Variants in PRMT1 observed in about 807,000 individuals in gnomAD.
The protein encoded by PRMT1 is protein arginine methyltransferase 1, also known as protein arginine N-methyltransferase 1.
In PRMT1, 5 loss-of-function variants were observed where a neutral mutation model predicts 47.4. The observed-to-expected ratio is 0.11, with a 90% CI of 0.06 to 0.22. The LOEUF (loss-of-function observed/expected upper bound fraction) is 0.22, where lower values mean the gene tolerates loss of function less well. Ranked by LOEUF, PRMT1 falls within the 10% of genes least tolerant of loss-of-function variation. PRMT1 has a pLI of 1.00. For synonymous variants in PRMT1, 227 were observed against 204.6 expected (o/e 1.11, Z -0.94); for missense variants, 249 against 518.4 (o/e 0.48, Z 5.05).
upstream of PRMT1, among the ~76,000 whole-genome samples, chr19:49,676,709 G>A (rs2082042135): frequency 6.6e-6 from 1 of 152,152 alleles, no homozygotes; most frequent in African/African-American, 2.4e-5. Flanking sequence ...CCGAGTGGAC[G>A]AGGAGTGATA....
Position 49,685,231 on chromosome 19 carries a change from G to A in PRMT1, c.759+194G>A. ...AATATCTTTGTGAGCGCTGCTGTGT[G>A]AGAACCATGCTTGGCACTTGGCTTC... On this transcript the variant is annotated intron_variant, in intron 8 of 10. Transcript: ENST00000454376. The surrounding 1 kb of genome is among the most constrained non-coding windows in gnomAD (Gnocchi z 4.7). 6.6e-7 allele frequency: 1 copy of A among 1,511,788 alleles called. No homozygotes were observed. The highest frequency in any genetic ancestry group is 2.5e-5 in the East Asian group (1 of 40,370). 93.6% of individuals were successfully genotyped at this position (1,511,788 alleles called of 1,614,324 possible).
Position 49,680,446 on chromosome 19 carries a change from GC to G in PRMT1, c.91-36del. The stretch of plus-strand genomic sequence containing the variant: ...CTGGAGGTTTAAGAGGCTGTGGGGA[GC>G]CCCCAGATCTGACCCATGATCCCAT... On this transcript the variant is annotated intron_variant, in intron 2 of 10. Transcript: ENST00000454376. The surrounding 1 kb of genome is among the most constrained non-coding windows in gnomAD (Gnocchi z 4.2). The G allele has an allele frequency of 2.0e-6, 3 of 1,492,736 alleles. No homozygotes were observed. The highest frequency in any genetic ancestry group is 1.7e-5 in the Admixed American group (1 of 59,798). The allele number at this position is 1,492,736 out of a possible 1,614,324, so 92.5% of individuals were successfully genotyped here.
chr19:49,686,328 G>A, intron 9 of PRMT1, 85 bp downstream of exon 9: 1 of 1,475,896 alleles, frequency 6.8e-7, no homozygotes, highest in Non-Finnish European at 9.1e-7. Context: ...ACAGAAACGG[G>A]CAGAAGGAAC....
chr19:49,686,994 C>G (rs556306641), intron 10 of PRMT1, among the ~76,000 whole-genome samples: 1 of 152,210 alleles, frequency 6.6e-6, no homozygotes, highest in East Asian at 1.9e-4. Flanking sequence ...CCCTGCCCTC[C>G]TGGTGCTTCC....
At position 49,680,017 on chromosome 19, in the gene PRMT1, A is replaced by G. The variant is rs993516157; in HGVS notation, c.90+92A>G. On this transcript the variant is annotated intron_variant, in intron 2 of 10. Coordinates refer to ENST00000454376, the MANE Select transcript of PRMT1 (RefSeq NM_001536.6). The surrounding 1 kb of genome is among the most constrained non-coding windows in gnomAD (Gnocchi z 4.2). ...TGGCCCTTTCTTGAGGTCTAACCATACCCCTCTTGCTTCAAACCAGTTTAC... is the reference window on the plus strand; with the variant it reads ...TGGCCCTTTCTTGAGGTCTAACCATGCCCCTCTTGCTTCAAACCAGTTTAC... 5.9e-6 allele frequency: 8 copies of G among 1,353,320 alleles called. No individual in the cohort carries two copies. In the East Asian group the frequency reaches 1.2e-4, roughly 21 times the overall value. 83.8% of individuals were successfully genotyped at this position (1,353,320 alleles called of 1,614,324 possible). A position where few individuals can be genotyped will look rare whatever the true frequency, so the allele number is the denominator to read the frequency against.
chr19:49,686,831 G>A (rs2082214792), intron 10 of PRMT1, 105 bp downstream of exon 10: 1 of 508,814 alleles, frequency 2.0e-6, no homozygotes, highest in Non-Finnish European at 3.1e-6. Context: ...GTAGGGGATG[G>A]GGGCAGCCGG....
In PRMT1 at chr19:49,677,518, A is replaced by G. The variant is rs936416921; in HGVS notation, c.36+202A>G. ...TCCAAGGGCCTTCGGCATCCGGCCT[A>G]GCGGAGGGTCTTATCCCCCCTCCCA... On this transcript the variant is annotated intron_variant, in intron 1 of 10. Coordinates refer to ENST00000454376, the MANE Select transcript of PRMT1 (RefSeq NM_001536.6). 1.6e-5 allele frequency: 7 copies of G among 424,388 alleles called. No homozygotes were observed. The Middle Eastern group carries it at 1.2e-3, about 75-fold the overall frequency. The allele number at this position is 424,388 out of a possible 1,614,324, so 26.3% of individuals were successfully genotyped here. A position where few individuals can be genotyped will look rare whatever the true frequency, so the allele number is the denominator to read the frequency against.
chr19:49,686,049 G>A (rs1006574098), intron 8 of PRMT1, 44 bp from the exon 9 acceptor site: 143 of 1,587,684 alleles, frequency 9.0e-5, no homozygotes, highest in Admixed American at 1.2e-4. Context: ...GGGATGAAGC[G>A]AGGTGGGGAC....
Position 49,685,836 on chromosome 19 carries a change from CAGAGTT to C in PRMT1, c.760-254_760-249del. On this transcript the variant is annotated intron_variant, in intron 8 of 10. Transcript: ENST00000454376. The surrounding 1 kb of genome is among the most constrained non-coding windows in gnomAD (Gnocchi z 4.7). ...GCGCCTGCATTCTAGGAGGTCTGGACAGAGTTAGGGTGGCACTGCCAGGTTTGGGTG... is the reference window on the plus strand; with the variant it reads ...GCGCCTGCATTCTAGGAGGTCTGGACAGGGTGGCACTGCCAGGTTTGGGTG... 7.6e-7 allele frequency: 1 copy of C among 1,322,840 alleles called. No homozygotes were observed. Among genetic ancestry groups the C allele is most frequent in the Non-Finnish European group, 9.7e-7 (1 of 1,034,596 alleles). The allele number at this position is 1,322,840 out of a possible 1,614,324, so 81.9% of individuals were successfully genotyped here.
At chr19:49,678,591 A>G (rs2082071026) in intron 1 of PRMT1, among the ~76,000 whole-genome samples, 1 of 151,750 alleles carries the variant, frequency 6.6e-6, no homozygotes, top group Non-Finnish European at 1.5e-5. Flanking sequence ...CTTCTTGGAG[A>G]CTTGGATAGT....
At position 49,684,758 on chromosome 19, in the gene PRMT1, C is replaced by T. The variant is rs1296224867; in HGVS notation, c.560C>T (p.Pro187Leu). 1 of 1,554,840 alleles carries T rather than the reference C, an allele frequency of 6.4e-7. No homozygotes were observed. Among genetic ancestry groups the T allele is most frequent in the Non-Finnish European group, 8.7e-7 (1 of 1,148,994 alleles). ...VLYARDKWLA[P>L]DGLIFPDRAT... The stretch of plus-strand genomic sequence containing the variant: ...CCTCGCCCTGCCCCTCTGTAGGCGC[C>T]CGATGGCCTCATCTTCCCAGACCGG... Residue 187 changes from proline (P) to leucine (L), a missense_variant, in exon 7 of 11, where the codon CCC (proline) becomes CTC (leucine). By Grantham distance (98) the Pro-to-Leu change is moderately conservative (BLOSUM62 -3). Transcript: ENST00000454376. The surrounding 1 kb of genome is among the most constrained non-coding windows in gnomAD (Gnocchi z 6.2).
Position 49,684,995 on chromosome 19 carries a change from C to T in PRMT1, c.717C>T (p.Val239=), listed in dbSNP as rs1296612658. 5 of 1,612,250 alleles carry T rather than the reference C, an allele frequency of 3.1e-6. No individual in the cohort carries two copies. The highest frequency in any genetic ancestry group is 3.4e-6 in the Non-Finnish European group (4 of 1,178,862). ...CCATTAAGGAGCCCCTAGTGGATGT[C>T]GTGGACCCCAAACAGCTGGTCACCA... ...DVAIKEPLVD[V]VDPKQLVTNA... is the part of the protein sequence containing the mutation. The change falls in exon 8 of 11, where the codon GTC becomes GTT. Residue 239 remains valine (V), a synonymous_variant. Coordinates refer to ENST00000454376, the MANE Select transcript of PRMT1 (RefSeq NM_001536.6). The surrounding 1 kb of genome is among the most constrained non-coding windows in gnomAD (Gnocchi z 6.2).
chr19:49,680,266 T>G lies in PRMT1; in HGVS notation c.91-221T>G. 6.5e-7 allele frequency: 1 copy of G among 1,528,774 alleles called. No individual in the cohort carries two copies. The highest frequency in any genetic ancestry group is 2.3e-5 in the East Asian group (1 of 43,300). 94.7% of individuals were successfully genotyped at this position (1,528,774 alleles called of 1,614,324 possible). A position where few individuals can be genotyped will look rare whatever the true frequency, so the allele number is the denominator to read the frequency against. ...AGGCGTGGCTGAGGTATCGGGGTGC[T>G]CCCCTGGATGGTGCTCTGGGGGGGT... On this transcript the variant is annotated intron_variant, in intron 2 of 10. Coordinates refer to ENST00000454376, the MANE Select transcript of PRMT1 (RefSeq NM_001536.6). The surrounding 1 kb of genome is among the most constrained non-coding windows in gnomAD (Gnocchi z 4.2).
chr19:49,680,406 G>T lies in PRMT1; in HGVS notation c.91-81G>T. On this transcript the variant is annotated intron_variant, in intron 2 of 10. Coordinates refer to ENST00000454376, the MANE Select transcript of PRMT1 (RefSeq NM_001536.6). The surrounding 1 kb of genome is among the most constrained non-coding windows in gnomAD (Gnocchi z 4.2). ...TTTGGGGGTTCTATACTACTCTTCAGGGAAAAGTAGGGCGCTGGAGGTTTA... is the reference window on the plus strand; with the variant it reads ...TTTGGGGGTTCTATACTACTCTTCATGGAAAAGTAGGGCGCTGGAGGTTTA... 4 of 1,252,018 alleles carry T rather than the reference G, an allele frequency of 3.2e-6. No homozygotes were observed. The highest frequency in any genetic ancestry group is 4.7e-6 in the Non-Finnish European group (4 of 854,800). 77.6% of individuals were successfully genotyped at this position (1,252,018 alleles called of 1,614,324 possible).
upstream of PRMT1, among the ~76,000 whole-genome samples, chr19:49,676,599 C>G (rs773895655): frequency 6.6e-6 from 1 of 152,180 alleles, no homozygotes; most frequent in African/African-American, 2.4e-5. Context: ...CCAGCTATGC[C>G]CTTCCTCTCT....
Position 49,680,218 on chromosome 19 carries a change from G to A in PRMT1, c.91-269G>A. 6.3e-7 allele frequency: 1 copy of A among 1,597,522 alleles called. No individual in the cohort carries two copies. ...AGCTGTGGGCTGAGCTAGAGACGGG[G>A]TCAGAGAGACTGGAGAGATGGTAGG... On this transcript the variant is annotated intron_variant, in intron 2 of 10. Transcript: ENST00000454376. This position sits in a 1 kb window ranked among gnomAD's most constrained non-coding sequence, Gnocchi z 4.2.
chr19:49,685,025 C>T lies in PRMT1; in HGVS notation c.747C>T (p.Ala249=), dbSNP rs1351491769. ...VVDPKQLVTN[A]CLIKEVDIYT... ...ACCCCAAACAGCTGGTCACCAACGC[C>T]TGCCTCATAAAGGTGAGGGGGTGGG... Residue 249 remains alanine (A), a synonymous_variant, in exon 8 of 11, where the codon GCC becomes GCT. Transcript: ENST00000454376. This position sits in a 1 kb window ranked among gnomAD's most constrained non-coding sequence, Gnocchi z 4.7. 3 of 1,613,832 alleles carry T rather than the reference C, an allele frequency of 1.9e-6. No individual in the cohort carries two copies. Among genetic ancestry groups the T allele is most frequent in the Non-Finnish European group, 1.7e-6 (2 of 1,179,838 alleles).
intron 5 of PRMT1, chr19:49,683,643 A>G (rs541733196): frequency 4.8e-4 from 144 of 299,996 alleles, no homozygotes; most frequent in East Asian, 2.4e-3. Flanking sequence ...AGCTGAGATC[A>G]CGCCACTGCA....
Position 49,680,293 on chromosome 19 carries a change from C to G in PRMT1, c.91-194C>G. The stretch of plus-strand genomic sequence containing the variant: ...CCCTGGATGGTGCTCTGGGGGGGTC[C>G]TGGAAGTGGAAAATGGGGTTGTTAG... On this transcript the variant is annotated intron_variant, in intron 2 of 10. Transcript: ENST00000454376. This position sits in a 1 kb window ranked among gnomAD's most constrained non-coding sequence, Gnocchi z 4.2. The G allele has an allele frequency of 6.9e-7, 1 of 1,439,966 alleles. No homozygotes were observed. Among genetic ancestry groups the G allele is most frequent in the East Asian group, 2.3e-5 (1 of 43,100 alleles). The allele number at this position is 1,439,966 out of a possible 1,614,324, so 89.2% of individuals were successfully genotyped here. A position where few individuals can be genotyped will look rare whatever the true frequency, so the allele number is the denominator to read the frequency against.
Sources: gnomAD v4.1 joint callset for allele counts (sites outside exome capture counted in the v4.1 genomes callset) on GRCh38, gnomAD v4.1.1 for gene constraint, Gnocchi (gnomAD v3.1) non-coding constraint, MANE v1.5 for transcripts, NCBI Gene and HGNC (gene_info 2026-07-23, HGNC 2026-07-21) for gene names.